SLC22A6: variants seen among roughly 807,000 people sequenced by gnomAD.
The protein encoded by SLC22A6 is solute carrier family 22 member 6.
Under a neutral mutation model 56.7 loss-of-function variants are expected in SLC22A6, and 45 were observed. The observed-to-expected ratio is 0.79, with a 90% confidence interval of 0.63 to 1.02. The LOEUF (loss-of-function observed/expected upper bound fraction) is 1.02. Ranked by LOEUF, SLC22A6 falls within the 50% of genes least tolerant of loss-of-function variation. SLC22A6 has a pLI of 0.00. For missense variants in SLC22A6, 606 were observed against 713.8 expected, an observed-to-expected ratio of 0.85 and a Z score of 1.72; for synonymous variants, 291 against 295.9, an observed-to-expected ratio of 0.98 and a Z score of 0.17.
chr11:62,984,077 A>T (rs2086288052), intron 1 of SLC22A6, 30 bp from the exon 2 acceptor site: 1 of 1,495,772 alleles, frequency 6.7e-7, no homozygotes. Context: ...GGTCAGGCAG[A>T]GATGAGCCTG....
At position 62,984,390 on chromosome 11, in the gene SLC22A6, C is replaced by T. The variant is rs778287708; in HGVS notation, c.301G>A (p.Ala101Thr). 6.2e-7 allele frequency: 1 copy of T among 1,613,922 alleles called. No individual in the cohort carries two copies. The highest frequency in any genetic ancestry group is 8.5e-7 in the Non-Finnish European group (1 of 1,179,972). Residue 101 changes from alanine (A) to threonine (T), a missense_variant, in exon 1 of 10, where the codon GCC (alanine) becomes ACC (threonine). By Grantham distance (58) the Ala-to-Thr change is moderately conservative. Coordinates refer to ENST00000360421, the MANE Select transcript of SLC22A6 (RefSeq NM_153276.3). Reference protein sequence around the residue: ...LNGTEANGTGATEPCTDGWIY... With the variant: ...LNGTEANGTGTTEPCTDGWIY... ...CAGCCATCGGTGCAGGGCTCTGTGGCCCCTGTGCCATTGGCTTCTGTGCCA... is the reference window on the plus strand; with the variant it reads ...CAGCCATCGGTGCAGGGCTCTGTGGTCCCTGTGCCATTGGCTTCTGTGCCA...
In SLC22A6 at chr11:62,983,522, G is replaced by C. The variant is rs2086278858; in HGVS notation, c.628+15C>G. 3 of 1,553,892 alleles carry C rather than the reference G, an allele frequency of 1.9e-6. No homozygotes were observed. Among genetic ancestry groups the C allele is most frequent in the Non-Finnish European group, 2.6e-6 (3 of 1,148,956 alleles). On this transcript the variant is annotated intron_variant, in intron 3 of 9. Coordinates refer to ENST00000360421, the MANE Select transcript of SLC22A6 (RefSeq NM_153276.3). The surrounding 1 kb of genome is among the most constrained non-coding windows in gnomAD (Gnocchi z 4.5). Reference sequence around the variant, plus strand: ...TGGGTGGCCGGAGGGGAGTGGGCTGGTAAGAATCTCTCACTCAGTGTCATG... The same window carrying C: ...TGGGTGGCCGGAGGGGAGTGGGCTGCTAAGAATCTCTCACTCAGTGTCATG...
chr11:62,984,089 C>A, intron 1 of SLC22A6, 42 bp from the exon 2 acceptor site: 1 of 1,423,428 alleles, frequency 7.0e-7, no homozygotes. Flanking sequence ...ATGAGCCTGG[C>A]TTCAGAGAAT....
rs1181363799 is a variant in SLC22A6 at position 62,984,023 on chromosome 11, C to T, written c.394G>A (p.Ala132Thr). ...TEWDLVCSHR[A>T]LRQLAQSLYM... ...AAGGACTGGGCCAGCTGGCGTAGGG[C>T]CCTGTGAGAGCACACAAGGTCCCAC... Residue 132 changes from alanine to threonine, a missense_variant, in exon 2 of 10, where the codon GCC becomes ACC. Transcript: ENST00000360421. The T allele has an allele frequency of 6.2e-7, 1 of 1,613,280 alleles. No individual in the cohort carries two copies. The highest frequency in any genetic ancestry group is 8.5e-7 in the Non-Finnish European group (1 of 1,179,464).
Position 62,976,691 on chromosome 11 carries a change from C to T in SLC22A6, c.*103G>A. On this transcript the variant is annotated 3_prime_UTR_variant, in exon 10 of 10. Coordinates refer to ENST00000360421, the MANE Select transcript of SLC22A6 (RefSeq NM_153276.3). ...AGATGCTTTCCTGAACCACAACCCC[C>T]ACACTTGGGTCACCATTTCCTCTTC... 1 of 953,726 alleles carries T rather than the reference C, an allele frequency of 1.0e-6. No individual in the cohort carries two copies. Among genetic ancestry groups the T allele is most frequent in the South Asian group, 1.6e-5 (1 of 60,872 alleles). 59.1% of individuals were successfully genotyped at this position (953,726 alleles called of 1,614,324 possible).
intron 8 of SLC22A6, among the ~76,000 whole-genome samples, chr11:62,978,089 G>A (rs1295751054): frequency 1.3e-5 from 2 of 152,192 alleles, no homozygotes; most frequent in East Asian, 3.9e-4. Context: ...ACAATGGCTT[G>A]TTATGCAGAT....
At position 62,983,966 on chromosome 11, in the gene SLC22A6, C is replaced by T. The variant is rs1172329671; in HGVS notation, c.451G>A (p.Val151Met). The T allele has an allele frequency of 1.9e-6, 3 of 1,613,568 alleles. No individual in the cohort carries two copies. Among genetic ancestry groups the T allele is most frequent in the South Asian group, 1.1e-5 (1 of 91,020 alleles). ...GACCTGTCTGCAAGGTAGCCGAACA[C>T]CATGGCTCCGAGCAGCACCCCCACC... ...YMVGVLLGAM[V>M]FGYLADRLGR... Residue 151 changes from valine (V) to methionine (M), a missense_variant, in exon 2 of 10, where the codon GTG becomes ATG. Transcript: ENST00000360421. The surrounding 1 kb of genome is among the most constrained non-coding windows in gnomAD (Gnocchi z 4.5).
chr11:62,983,790 G>A lies in SLC22A6; in HGVS notation c.474-99C>T. The A allele has an allele frequency of 7.4e-7, 1 of 1,350,808 alleles. No individual in the cohort carries two copies. Among genetic ancestry groups the A allele is most frequent in the Admixed American group, 2.5e-5 (1 of 40,328 alleles). The allele number at this position is 1,350,808 out of a possible 1,614,324, so 83.7% of individuals were successfully genotyped here. On this transcript the variant is annotated intron_variant, in intron 2 of 9. Coordinates refer to ENST00000360421, the MANE Select transcript of SLC22A6 (RefSeq NM_153276.3). This position sits in a 1 kb window ranked among gnomAD's most constrained non-coding sequence, Gnocchi z 4.5. Reference sequence around the variant, plus strand: ...CTCACCCTGGATGATGCCTGGGCTGGGGCCTTTTGAGGACCTCTGAAGTAT... The same window carrying A: ...CTCACCCTGGATGATGCCTGGGCTGAGGCCTTTTGAGGACCTCTGAAGTAT...
chr11:62,979,489 G>A lies in SLC22A6; in HGVS notation c.1360C>T (p.Arg454Trp), dbSNP rs1289616706. Residue 454 changes from arginine (R) to tryptophan (W), a missense_variant and splice_region_variant, in exon 8 of 10, where the codon CGG becomes TGG. By Grantham distance (101) the Arg-to-Trp change is moderately radical. Transcript: ENST00000360421. ...YTGELYPTMI[R>W]QTGMGMGSTM... ...TTCTCCCATTAGGCTCCCACTCACC[G>A]GATCATTGTGGGATACAGTTCCCCA... The A allele has an allele frequency of 1.3e-5, 20 of 1,579,314 alleles. No individual in the cohort carries two copies. The highest frequency in any genetic ancestry group is 8.9e-5 in the East Asian group (4 of 44,746).
At position 62,977,341 on chromosome 11, in the gene SLC22A6, T is replaced by C. The variant is rs1409130307; in HGVS notation, c.1408A>G (p.Ile470Val). Residue 470 changes from isoleucine (I) to valine (V), a missense_variant, in exon 9 of 10, where the codon ATC becomes GTC. Coordinates refer to ENST00000360421, the MANE Select transcript of SLC22A6 (RefSeq NM_153276.3). ...GTCATGCTCACCAGTGGGCTCACGA[T>C]GCTGCCCACTCGGGCCATGGTGCTG... Reference protein sequence around the residue: ...MGSTMARVGSIVSPLVSMTAE... With the variant: ...MGSTMARVGSVVSPLVSMTAE... 1.2e-6 allele frequency: 2 copies of C among 1,613,134 alleles called. No homozygotes were observed. Among genetic ancestry groups the C allele is most frequent in the East Asian group, 2.2e-5 (1 of 44,868 alleles).
chr11:62,981,490 G>A, intron 4 of SLC22A6, 107 bp from the exon 5 acceptor site: 1 of 726,290 alleles, frequency 1.4e-6, no homozygotes, highest in Non-Finnish European at 2.2e-6. Context: ...TTTTATTTAA[G>A]GTTGGGAACC....
chr11:62,977,951 G>T (rs568447212), intron 8 of SLC22A6, among the ~76,000 whole-genome samples: 1 of 152,338 alleles, frequency 6.6e-6, no homozygotes, highest in East Asian at 1.9e-4. Flanking sequence ...ATTGACTCAG[G>T]AGACATACTG....
At position 62,984,411 on chromosome 11, in the gene SLC22A6, T is replaced by G. The variant is rs1212609260; in HGVS notation, c.280A>C (p.Thr94Pro). The change falls in exon 1 of 10, where the codon ACA (threonine) becomes CCA (proline). Residue 94 changes from threonine (T) to proline (P), a missense_variant. Physicochemically the swap from Thr to Pro is conservative, Grantham distance 38 (BLOSUM62 -1). Coordinates refer to ENST00000360421, the MANE Select transcript of SLC22A6 (RefSeq NM_153276.3). ...GTGGCCCCTGTGCCATTGGCTTCTG[T>G]GCCATTGAGAAAGGGCAGTCCCCAC... is the stretch of plus-strand genomic sequence containing the variant. ...PQWGLPFLNG[T>P]EANGTGATEP... is the part of the protein sequence containing the mutation. 1 of 1,613,844 alleles carries G rather than the reference T, an allele frequency of 6.2e-7. No individual in the cohort carries two copies. Among genetic ancestry groups the G allele is most frequent in the Non-Finnish European group, 8.5e-7 (1 of 1,179,990 alleles).
chr11:62,977,077 C>T (rs2086197374), intron 9 of SLC22A6, 107 bp downstream of exon 9: 3 of 1,595,584 alleles, frequency 1.9e-6, no homozygotes, highest in Non-Finnish European at 2.6e-6. Flanking sequence ...CAAAGGGACA[C>T]AGAGCTTTGG....
chr11:62,984,766 G>T lies in SLC22A6; in HGVS notation c.-76C>A. ...ACCTCTGTCTGTCTGCCTGCCTGCT[G>T]TCCTTCGCTGGAGGAGCAGCACTGC... On this transcript the variant is annotated 5_prime_UTR_variant, in exon 1 of 10. Transcript: ENST00000360421. The T allele has an allele frequency of 6.8e-7, 1 of 1,481,030 alleles. No individual in the cohort carries two copies. Among genetic ancestry groups the T allele is most frequent in the South Asian group, 1.3e-5 (1 of 75,614 alleles). 91.7% of individuals were successfully genotyped at this position (1,481,030 alleles called of 1,614,324 possible). A position where few individuals can be genotyped will look rare whatever the true frequency, so the allele number is the denominator to read the frequency against.
In SLC22A6 at chr11:62,983,976, G is replaced by A. The variant is rs770298747; in HGVS notation, c.441C>T (p.Leu147=). 3.1e-6 allele frequency: 5 copies of A among 1,613,556 alleles called. No homozygotes were observed. The highest frequency in any genetic ancestry group is 4.2e-6 in the Non-Finnish European group (5 of 1,179,796). ...CAAGGTAGCCGAACACCATGGCTCC[G>A]AGCAGCACCCCCACCATGTACAAGG... is the stretch of plus-strand genomic sequence containing the variant. ...AQSLYMVGVL[L]GAMVFGYLAD... The change falls in exon 2 of 10, where the codon CTC becomes CTT. Residue 147 remains leucine (L), a synonymous_variant. Transcript: ENST00000360421. The surrounding 1 kb of genome is among the most constrained non-coding windows in gnomAD (Gnocchi z 4.5).
chr11:62,982,149 G>A (rs2135098170), intron 3 of SLC22A6, 139 bp from the exon 4 acceptor site: 1 of 765,470 alleles, frequency 1.3e-6, no homozygotes, highest in Admixed American at 3.0e-5. Context: ...AGGGTGATGG[G>A]AGTGGGGGAA....
chr11:62,977,122 C>A (rs1347962598), intron 9 of SLC22A6, 62 bp downstream of exon 9: 5 of 1,612,462 alleles, frequency 3.1e-6, no homozygotes, highest in Non-Finnish European at 3.4e-6. Context: ...AGTCTCAATA[C>A]CACCCCACCC....
At position 62,983,406 on chromosome 11, in the gene SLC22A6, G is replaced by T; in HGVS notation, c.628+131C>A. 2.2e-6 allele frequency: 2 copies of T among 908,858 alleles called. No individual in the cohort carries two copies. The highest frequency in any genetic ancestry group is 3.4e-6 in the Non-Finnish European group (2 of 596,656). 56.3% of individuals were successfully genotyped at this position (908,858 alleles called of 1,614,324 possible). A position where few individuals can be genotyped will look rare whatever the true frequency, so the allele number is the denominator to read the frequency against. ...GAGCCTGAGAAAAGGTTGTTCTATT[G>T]GCAGGAAGGTGAGACCCGAGAGAGG... On this transcript the variant is annotated intron_variant, in intron 3 of 9. Transcript: ENST00000360421. The surrounding 1 kb of genome is among the most constrained non-coding windows in gnomAD (Gnocchi z 4.5).
Sources: allele counts gnomAD v4.1 joint callset (sites outside exome capture counted in the v4.1 genomes callset), GRCh38; gene constraint gnomAD v4.1.1; non-coding constraint Gnocchi (gnomAD v3.1); transcripts MANE v1.5; gene names NCBI Gene and HGNC (gene_info 2026-07-23, HGNC 2026-07-21).